The following NAV3 variants were observed in gnomAD, a reference collection of about 807,000 sequenced individuals.
NAV3 encodes neuron navigator 3, also known as pore membrane and/or filament interacting like protein 1.
A neutral mutation model predicts 244.7 loss-of-function variants in NAV3; 87 were observed. The observed-to-expected ratio is 0.36, with a 90% CI of 0.30 to 0.42. The LOEUF (loss-of-function observed/expected upper bound fraction) is 0.42, where lower values mean the gene tolerates loss of function less well. Among genes scored for constraint, NAV3 ranks in the 20% least tolerant of loss-of-function variants. The pLI is 1.00. For missense variants in NAV3, 2,663 were observed against 2,893.3 expected (o/e 0.92, Z 1.83); for synonymous variants, 1,126 against 1,042.2 (o/e 1.08, Z -1.55).
chr12:77,998,412 A>G lies in NAV3; in HGVS notation c.816A>G (p.Arg272=). 6.2e-7 allele frequency: 1 copy of G among 1,612,320 alleles called. No homozygotes were observed. The highest frequency in any genetic ancestry group is 1.7e-5 in the Admixed American group (1 of 59,772). Residue 272 remains arginine (R), a synonymous_variant, in exon 7 of 40, where the codon AGA becomes AGG. Transcript: ENST00000397909. ...AGGGAGCCTCTAATTTAAATAGGAG[A>G]AGTCAGAGCTTTAACAGCATTGACA... ...KVQGASNLNR[R]SQSFNSIDKN...
intron 1 of NAV3, among the ~76,000 whole-genome samples, chr12:77,837,492 C>T (rs1565842119): frequency 1.3e-5 from 2 of 151,994 alleles, no homozygotes; most frequent in Non-Finnish European, 2.9e-5. Flanking sequence ...TCAGTCCTCA[C>T]AATAGCCTTA....
chr12:78,165,234 A>G (rs188661241), intron 23 of NAV3, among the ~76,000 whole-genome samples: 556 of 152,174 alleles, frequency 3.7e-3, no homozygotes, highest in Non-Finnish European at 6.7e-3. Flanking sequence ...GTTTTAAAAT[A>G]TCTATCATTT....
rs1400304364 is a variant in NAV3 at position 77,693,311 on chromosome 12, C to A, written c.72+121045C>A. On this transcript the variant is annotated intron_variant, in intron 2 of 8. Transcript: ENST00000550042. The stretch of plus-strand genomic sequence containing the variant: ...ATACCTGTAGCCCATGACCAAATAC[C>A]ACCATATCAGTATCTCAACCCAGTA... Among the ~76,000 whole-genome samples, 5 of 152,016 alleles carry A rather than the reference C, an allele frequency of 3.3e-5. No individual in the cohort carries two copies. The East Asian group carries it at 7.7e-4, about 23-fold the overall frequency.
At chr12:77,588,934 G>T (rs1273734629) in intron 2 of NAV3, among the ~76,000 whole-genome samples, 1 of 152,150 alleles carries the variant, frequency 6.6e-6, no homozygotes, top group Admixed American at 6.6e-5. Flanking sequence ...TGAAGGCAGT[G>T]GTCTGAATGT....
intron 1 of NAV3, among the ~76,000 whole-genome samples, chr12:77,898,628 A>G (rs973049939): frequency 1.3e-5 from 2 of 152,226 alleles, no homozygotes; most frequent in Non-Finnish European, 2.9e-5. Flanking sequence ...TGGGTTGAGG[A>G]ACACAGATAA....
At chr12:78,173,666 G>A (rs2853482) in intron 24 of NAV3, among the ~76,000 whole-genome samples, 7,382 of 151,058 alleles carry the variant, frequency 0.049, 192 homozygotes, top group Non-Finnish European at 0.071. Flanking sequence ...AGTTGGTAAT[G>A]TTTTGGCATG....
In NAV3 at chr12:78,007,455, C is replaced by T. The variant is rs144353882; in HGVS notation, c.1907+10C>T. On this transcript the variant is annotated intron_variant, in intron 8 of 39. Transcript: ENST00000397909. ...CACCATTCATTTACAGGTAAGGTGG[C>T]CTCTGTTTATCCACAGTTGTAAATA... The T allele has an allele frequency of 1.2e-6, 2 of 1,608,478 alleles. No homozygotes were observed. Among genetic ancestry groups the T allele is most frequent in the Admixed American group, 3.4e-5 (2 of 59,568 alleles).
At chr12:77,983,567 C>T (rs2136285431) in intron 5 of NAV3, among the ~76,000 whole-genome samples, 1 of 152,146 alleles carries the variant, frequency 6.6e-6, no homozygotes, top group East Asian at 1.9e-4. Context: ...GGAGAGAAGC[C>T]AGAGCCAGAG....
chr12:77,676,396 T>A (rs1328582213), intron 2 of NAV3, among the ~76,000 whole-genome samples: 3 of 152,124 alleles, frequency 2.0e-5, no homozygotes, highest in Non-Finnish European at 4.4e-5. Context: ...AGGCAGATGA[T>A]GGACTGTCCT....
rs2138852510 is a variant in NAV3, at chr12:78,128,786, A to G, written c.4361A>G (p.Asp1454Gly). 1 of 1,614,112 alleles carries G rather than the reference A, an allele frequency of 6.2e-7. No homozygotes were observed. The highest frequency in any genetic ancestry group is 8.5e-7 in the Non-Finnish European group (1 of 1,179,974). ...LRSHSTGGLQ[D>G]TGNQSPLVSP... ...TCTCATTCTACTGGAGGGCTTCAGG[A>G]CACTGGCAACCAGTCACCTCTGGTT... Residue 1454 changes from aspartate (D) to glycine (G), a missense_variant, in exon 18 of 40, where the codon GAC becomes GGC. Asp to Gly is a moderately conservative substitution (Grantham distance 94). Around this residue, in one of 6 missense-constraint regions of NAV3, gnomAD observed 354 missense variants for 413.0 expected, o/e 0.86. Transcript: ENST00000397909.
chr12:77,740,988 A>G (rs1868317768), intron 2 of NAV3, among the ~76,000 whole-genome samples: 1 of 152,044 alleles, frequency 6.6e-6, no homozygotes, highest in African/African-American at 2.4e-5. Context: ...ACCAGGGACT[A>G]AGGATTCCTG....
intron 2 of NAV3, among the ~76,000 whole-genome samples, chr12:77,786,098 C>A (rs1436540477): frequency 1.3e-5 from 2 of 152,078 alleles, no homozygotes; most frequent in Non-Finnish European, 2.9e-5. Context: ...AAAATCCTTG[C>A]AGTTAAGATT....
intron 1 of NAV3, 97 bp downstream of exon 1, chr12:77,831,801 G>A (rs1307200952): frequency 1.5e-6 from 2 of 1,345,072 alleles, no homozygotes; most frequent in African/African-American, 1.5e-5. Context: ...GAGTAGTAGA[G>A]GAATACCAGT....
intron 36 of NAV3, chr12:78,199,018 A>G: frequency 1.9e-6 from 1 of 530,554 alleles, no homozygotes; most frequent in Admixed American, 2.4e-5. Flanking sequence ...TCTAAGTGTG[A>G]GAAATGTGAA....
In NAV3 at chr12:78,110,692, T is replaced by TGTG. The variant is rs556741846; in HGVS notation, c.2637-6080_2637-6079insGTG. On this transcript the variant is annotated intron_variant, in intron 12 of 39. Coordinates refer to ENST00000397909, the MANE Select transcript of NAV3 (RefSeq NM_001024383.2). ...AAATAAAGCCATATATATATATATA[T>TGTG]AGTGTGTGTGTGTGTATACACACAT... Among the ~76,000 whole-genome samples the TGTG allele has an allele frequency of 7.8e-3, 1,185 of 151,178 alleles. 19 individuals are homozygous for TGTG. The highest frequency in any genetic ancestry group is 0.022 in the African/African-American group (912 of 41,252).
chr12:77,998,013 C>A (rs992440391), intron 6 of NAV3, among the ~76,000 whole-genome samples: 1 of 152,214 alleles, frequency 6.6e-6, no homozygotes, highest in African/African-American at 2.4e-5. Context: ...GTTTCCTTTA[C>A]TTTTCACATA....
intron 2 of NAV3, among the ~76,000 whole-genome samples, chr12:77,793,084 A>C (rs1433322359): frequency 6.6e-6 from 1 of 152,216 alleles, no homozygotes. Context: ...ACAGCAAATA[A>C]AAATACATAC....
At chr12:77,956,403 G>A (rs531374347) in intron 3 of NAV3, among the ~76,000 whole-genome samples, 1 of 152,100 alleles carries the variant, frequency 6.6e-6, no homozygotes, top group African/African-American at 2.4e-5. Context: ...TGTATGATTG[G>A]CAACAGCAAT....
chr12:77,755,831 T>C (rs959438077), intron 2 of NAV3, among the ~76,000 whole-genome samples: 1 of 151,716 alleles, frequency 6.6e-6, no homozygotes, highest in Non-Finnish European at 1.5e-5. Context: ...CCTGACAGGC[T>C]CAAGTGATCC....
Sources: gnomAD v4.1 joint callset for allele counts (sites outside exome capture counted in the v4.1 genomes callset) on GRCh38, gnomAD v4.1.1 for gene constraint, gnomAD v4.1.1 regional missense constraint, MANE v1.5 for transcripts, NCBI Gene and HGNC (gene_info 2026-07-23, HGNC 2026-07-21) for gene names.